Variants in TTC39B observed in about 807,000 individuals in gnomAD.
The protein encoded by TTC39B is tetratricopeptide repeat domain 39B.
Under a neutral mutation model 96.6 loss-of-function variants are expected in TTC39B, and 92 were observed. That is an observed-to-expected ratio of 0.95 (90% CI 0.80 to 1.13). The LOEUF (loss-of-function observed/expected upper bound fraction) is 1.13, where lower values mean the gene tolerates loss of function less well. TTC39B is among the 50% of genes most tolerant of loss of function. TTC39B has a pLI of 0.00. For synonymous variants in TTC39B, 367 were observed against 299.4 expected (o/e 1.23, Z -2.33); for missense variants, 955 against 809.3 (o/e 1.18, Z -2.18).
At chr9:15,257,099 A>T (rs1227019465) in intron 2 of TTC39B, among the ~76,000 whole-genome samples, 1 of 152,230 alleles carries the variant, frequency 6.6e-6, no homozygotes, top group African/African-American at 2.4e-5. Flanking sequence ...GTGTGACAAC[A>T]GTCTTGTGAT....
intron 1 of TTC39B, among the ~76,000 whole-genome samples, chr9:15,269,276 C>A (rs1823247711): frequency 1.3e-5 from 2 of 152,192 alleles, no homozygotes; most frequent in African/African-American, 4.8e-5. Context: ...ACTTGGTCAC[C>A]CTCTGTCTCC....
At chr9:15,263,206 C>T (rs1823006388) in intron 2 of TTC39B, among the ~76,000 whole-genome samples, 1 of 152,158 alleles carries the variant, frequency 6.6e-6, no homozygotes, top group African/African-American at 2.4e-5. Flanking sequence ...TTTATGTCTC[C>T]TATTGGTTCT....
chr9:15,183,951 G>A lies in TTC39B; in HGVS notation c.1614+1329C>T, dbSNP rs771316175. 4.4e-4 allele frequency among the ~76,000 whole-genome samples: 67 copies of A among 152,170 alleles called. 1 individual carries two copies. The highest frequency in any genetic ancestry group is 6.0e-4 in the Non-Finnish European group (41 of 68,024). On this transcript the variant is annotated intron_variant, in intron 16 of 19. Coordinates refer to ENST00000512701, the Ensembl canonical transcript of TTC39B. ...GTTAGGTAGGAAACACCTGGACCTA[G>A]GTGCTAGGCGCAGGCTAACTCCTGT...
chr9:15,183,464 C>CAAAA (rs35283660), intron 16 of TTC39B: 9 of 259,592 alleles, frequency 3.5e-5, no homozygotes, highest in South Asian at 6.5e-5. Flanking sequence ...TTCCTAGGTA[C>CAAAA]AAAAAAAAAA....
intron 11 of TTC39B, among the ~76,000 whole-genome samples, chr9:15,190,137 G>C (rs1423092343): frequency 6.6e-6 from 1 of 151,898 alleles, no homozygotes; most frequent in Non-Finnish European, 1.5e-5. Flanking sequence ...CCTTAATATA[G>C]AAATTTTAGC....
chr9:15,214,522 C>T (rs957005583), intron 3 of TTC39B, among the ~76,000 whole-genome samples: 3 of 152,134 alleles, frequency 2.0e-5, no homozygotes, highest in South Asian at 2.1e-4. Flanking sequence ...CTCTGTAAAT[C>T]GTAGGTAACT....
intron 5 of TTC39B, 74 bp downstream of exon 5, chr9:15,211,192 C>T (rs890632441): frequency 2.9e-6 from 4 of 1,389,648 alleles, no homozygotes; most frequent in Middle Eastern, 1.9e-4. Flanking sequence ...TTTGGTCAGG[C>T]AAATGACATT....
At chr9:15,296,294 T>C (rs1824372685) in intron 1 of TTC39B, among the ~76,000 whole-genome samples, 1 of 152,224 alleles carries the variant, frequency 6.6e-6, no homozygotes, top group Non-Finnish European at 1.5e-5. Context: ...CCTCTGACCT[T>C]GTCTGTCTCC....
At chr9:15,264,541 G>C (rs1222524141) in intron 2 of TTC39B, among the ~76,000 whole-genome samples, 1 of 151,412 alleles carries the variant, frequency 6.6e-6, no homozygotes, top group Non-Finnish European at 1.5e-5. Flanking sequence ...TATAATCCCA[G>C]CTACTTGGAA....
intron 19 of TTC39B, among the ~76,000 whole-genome samples, chr9:15,173,699 C>A (rs1305181699): frequency 6.6e-6 from 1 of 152,152 alleles, no homozygotes; most frequent in East Asian, 1.9e-4. Context: ...AAAATGACTT[C>A]ATCACACGCC....
chr9:15,182,457 T>C, intron 16 of TTC39B, 42 bp from the exon 17 acceptor site: 1 of 1,364,864 alleles, frequency 7.3e-7, no homozygotes, highest in South Asian at 1.2e-5. Flanking sequence ...TATATGAGGT[T>C]ATTCAATGTC....
chr9:15,233,530 A>AT lies in TTC39B; in HGVS notation c.276-7519dup, dbSNP rs1262543661. On this transcript the variant is annotated intron_variant, in intron 2 of 19. Transcript: ENST00000512701. The stretch of plus-strand genomic sequence containing the variant: ...GCCGCCACGCCTGACTGGTTTTCGT[A>AT]TTTTTTTGGTGGAGACGGGGTTTCG... 1.0e-4 allele frequency among the ~76,000 whole-genome samples: 15 copies of AT among 149,818 alleles called. No homozygotes were observed. In the South Asian group the frequency reaches 2.3e-3, roughly 23 times the overall value.
chr9:15,212,069 ACAT>A (rs1820233029), intron 4 of TTC39B, among the ~76,000 whole-genome samples: 1 of 152,240 alleles, frequency 6.6e-6, no homozygotes, highest in Non-Finnish European at 1.5e-5. Context: ...GGCTATGAGA[ACAT>A]CATTTATTTT....
chr9:15,259,809 T>C (rs1423453842), intron 2 of TTC39B, among the ~76,000 whole-genome samples: 1 of 152,192 alleles, frequency 6.6e-6, no homozygotes, highest in East Asian at 1.9e-4. Context: ...ACACATTCTA[T>C]GACATGTGTA....
chr9:15,276,506 C>T (rs1823549197), intron 1 of TTC39B, among the ~76,000 whole-genome samples: 1 of 152,200 alleles, frequency 6.6e-6, no homozygotes, highest in African/African-American at 2.4e-5. Flanking sequence ...TGAGCCCTCC[C>T]TTCTCTCACA....
chr9:15,251,421 G>A (rs1487487994), intron 2 of TTC39B, among the ~76,000 whole-genome samples: 2 of 151,562 alleles, frequency 1.3e-5, no homozygotes, highest in African/African-American at 4.8e-5. Flanking sequence ...AATTAGCCAG[G>A]CGTGGTGGCG....
At chr9:15,240,220 G>C (rs1055144467) in intron 2 of TTC39B, among the ~76,000 whole-genome samples, 1 of 152,120 alleles carries the variant, frequency 6.6e-6, no homozygotes, top group Non-Finnish European at 1.5e-5. Flanking sequence ...CCTGTCACCA[G>C]TGCATTCAGA....
intron 8 of TTC39B, among the ~76,000 whole-genome samples, chr9:15,197,385 C>A (rs1452525206): frequency 1.3e-5 from 2 of 152,118 alleles, no homozygotes; most frequent in African/African-American, 4.8e-5. Flanking sequence ...GATCTACCAC[C>A]CCCTTCCAGG....
intron 6 of TTC39B, among the ~76,000 whole-genome samples, chr9:15,205,226 T>A (rs1023340922): frequency 3.9e-5 from 6 of 152,204 alleles, no homozygotes; most frequent in Non-Finnish European, 8.8e-5. Context: ...GCACTGAGAT[T>A]ACTGCCCATG....
Sources: gnomAD v4.1 joint callset for allele counts (sites outside exome capture counted in the v4.1 genomes callset) on GRCh38, gnomAD v4.1.1 for gene constraint, MANE v1.5 for transcripts, NCBI Gene and HGNC (gene_info 2026-07-23, HGNC 2026-07-21) for gene names.